The following PKIB variants were observed in gnomAD, a reference collection of about 807,000 sequenced individuals.
The protein encoded by PKIB is PKI-beta.
PKIB carries 2 observed loss-of-function variants against 4.5 expected under a neutral mutation model. The ratio of observed to expected loss-of-function variants is 0.44; its 90% CI spans 0.18 to 1.39. The LOEUF (loss-of-function observed/expected upper bound fraction) is 1.39. Among genes scored for constraint, PKIB ranks in the 40% most tolerant of loss-of-function variants. PKIB has a pLI of 0.27. For missense variants in PKIB, 94 were observed against 92.6 expected (o/e 1.02, Z -0.06); for synonymous variants, 38 against 36.0 (o/e 1.06, Z -0.20).
chr6:122,487,962 A>G (rs962489723), intron 2 of PKIB, among the ~76,000 whole-genome samples: 1 of 152,176 alleles, frequency 6.6e-6, no homozygotes, highest in Non-Finnish European at 1.5e-5. Context: ...TTAAAGTGAT[A>G]TCTTCCAGGT....
intron 3 of PKIB, among the ~76,000 whole-genome samples, chr6:122,712,949 C>T (rs1004851190): frequency 6.6e-6 from 1 of 152,100 alleles, no homozygotes; most frequent in African/African-American, 2.4e-5. Flanking sequence ...CTCTTCGGGG[C>T]CCACTGGGTT....
At chr6:122,711,405 A>C (rs2115055195) in intron 3 of PKIB, among the ~76,000 whole-genome samples, 1 of 152,312 alleles carries the variant, frequency 6.6e-6, no homozygotes, top group Non-Finnish European at 1.5e-5. Context: ...TGCATCACTT[A>C]AGTGTCTGGA....
chr6:122,549,439 G>A (rs1174737864), intron 2 of PKIB, among the ~76,000 whole-genome samples: 1 of 151,858 alleles, frequency 6.6e-6, no homozygotes, highest in Non-Finnish European at 1.5e-5. Flanking sequence ...CTAATTATTT[G>A]TTTCACGTTT....
upstream of PKIB, among the ~76,000 whole-genome samples, chr6:122,608,358 A>G (rs2114752849): frequency 6.6e-6 from 1 of 152,358 alleles, no homozygotes; most frequent in African/African-American, 2.4e-5. Context: ...AAAGGCATAT[A>G]TTTGACACAA....
At chr6:122,592,255 A>T (rs984610780) in intron 3 of PKIB, among the ~76,000 whole-genome samples, 1 of 152,146 alleles carries the variant, frequency 6.6e-6, no homozygotes, top group Admixed American at 6.6e-5. Flanking sequence ...TGAATTCTAA[A>T]AATTTTTGCA....
intron 2 of PKIB, among the ~76,000 whole-genome samples, chr6:122,499,756 G>C (rs935716264): frequency 6.6e-6 from 1 of 152,136 alleles, no homozygotes; most frequent in Admixed American, 6.5e-5. Flanking sequence ...AATAGGAAAA[G>C]AAGAAGCCAA....
intron 3 of PKIB, among the ~76,000 whole-genome samples, chr6:122,679,991 T>C (rs1777832472): frequency 6.6e-6 from 1 of 152,238 alleles, no homozygotes; most frequent in African/African-American, 2.4e-5. Context: ...TATAGCACTC[T>C]GCTTTCTTTT....
chr6:122,633,038 A>G (rs1001405933), intron 1 of PKIB, among the ~76,000 whole-genome samples: 13 of 152,188 alleles, frequency 8.5e-5, no homozygotes, highest in Non-Finnish European at 7.4e-5. Flanking sequence ...TACATTCCTT[A>G]TTTATCTGGG....
At chr6:122,549,909 CAT>C (rs35702783) in intron 2 of PKIB, among the ~76,000 whole-genome samples, 21,220 of 148,182 alleles carry the variant, frequency 0.14, 1,576 homozygotes, top group East Asian at 0.25. Context: ...CACACACACA[CAT>C]ATATATATAT....
chr6:122,546,280 T>C (rs1478565822), intron 2 of PKIB, among the ~76,000 whole-genome samples: 1 of 151,964 alleles, frequency 6.6e-6, no homozygotes, highest in East Asian at 1.9e-4. Flanking sequence ...GGACTCTTGG[T>C]TGGACCCAAT....
intron 1 of PKIB, among the ~76,000 whole-genome samples, chr6:122,621,162 T>G (rs1183099780): frequency 6.6e-6 from 1 of 152,184 alleles, no homozygotes; most frequent in African/African-American, 2.4e-5. Context: ...GATTTACTTT[T>G]GTAGTTTTTG....
At position 122,590,377 on chromosome 6, in the gene PKIB, C is replaced by G. The variant is rs900946457; in HGVS notation, c.-161+4370C>G. Among the ~76,000 whole-genome samples the G allele has an allele frequency of 5.3e-5, 8 of 152,120 alleles. No homozygotes were observed. In the East Asian group the frequency reaches 1.3e-3, roughly 26 times the overall value. ...TTCCACCATTTACAGATTTTAAGAT[C>G]TTGGGTAAGTTATTTACTCTATCTG... On this transcript the variant is annotated intron_variant, in intron 3 of 6. Coordinates refer to the PKIB transcript ENST00000392491.
chr6:122,548,486 A>G (rs757272951), intron 2 of PKIB, among the ~76,000 whole-genome samples: 2 of 152,226 alleles, frequency 1.3e-5, no homozygotes, highest in Non-Finnish European at 2.9e-5. Context: ...AGGACATCAA[A>G]TATTTATTCT....
intron 2 of PKIB, among the ~76,000 whole-genome samples, chr6:122,506,227 GT>G (rs1258092562): frequency 2.0e-5 from 3 of 152,062 alleles, no homozygotes; most frequent in Non-Finnish European, 4.4e-5. Context: ...AAAGGTGACA[GT>G]TTTGACAAGT....
chr6:122,577,908 C>CA (rs530700134), intron 2 of PKIB, among the ~76,000 whole-genome samples: 1,296 of 73,982 alleles, frequency 0.018, 6 homozygotes, highest in Non-Finnish European at 0.022. Flanking sequence ...GACTCCGTCT[C>CA]AAAAAAAAAA....
intron 3 of PKIB, among the ~76,000 whole-genome samples, chr6:122,696,032 T>G (rs1778556789): frequency 6.6e-6 from 1 of 152,220 alleles, no homozygotes; most frequent in Non-Finnish European, 1.5e-5. Flanking sequence ...TGAGATTTCT[T>G]TACTCCTTTA....
At position 122,549,889 on chromosome 6, in the gene PKIB, T is replaced by TAC. The variant is rs1386578096; in HGVS notation, c.-247-36031_-247-36030insCA. On this transcript the variant is annotated intron_variant, in intron 2 of 6. Coordinates refer to the PKIB transcript ENST00000392491. ...GTATATAAAAATATATAATTTTATA[T>TAC]ATACACACACACACACACACATATA... Among the ~76,000 whole-genome samples the TAC allele has an allele frequency of 1.3e-4, 19 of 145,458 alleles. 1 individual carries two copies. In the East Asian group the frequency reaches 2.7e-3, roughly 21 times the overall value.
intron 4 of PKIB, among the ~76,000 whole-genome samples, chr6:122,719,869 A>G (rs774374342): frequency 2.0e-5 from 3 of 152,136 alleles, no homozygotes; most frequent in Non-Finnish European, 4.4e-5. Context: ...ATAAATATAT[A>G]TAATTTTTAT....
intron 2 of PKIB, among the ~76,000 whole-genome samples, chr6:122,509,146 C>T (rs752501473): frequency 6.6e-6 from 1 of 152,072 alleles, no homozygotes; most frequent in Non-Finnish European, 1.5e-5. Context: ...CCATATATGT[C>T]GCTTTTTCAG....
Sources: allele counts gnomAD v4.1 joint callset (sites outside exome capture counted in the v4.1 genomes callset), GRCh38; gene constraint gnomAD v4.1.1; transcripts MANE v1.5; gene names NCBI Gene and HGNC (gene_info 2026-07-23, HGNC 2026-07-21).